Variants in CACNA1A observed in about 807,000 individuals in gnomAD.
CACNA1A encodes calcium voltage-gated channel subunit alpha1 A.
CACNA1A carries 57 observed loss-of-function variants against 262.4 expected under a neutral mutation model. The observed-to-expected ratio is 0.22, with a 90% confidence interval of 0.18 to 0.27. The LOEUF (loss-of-function observed/expected upper bound fraction) is 0.27, where lower values mean the gene tolerates loss of function less well. Among genes scored for constraint, CACNA1A ranks in the 10% least tolerant of loss-of-function variants. CACNA1A has a pLI of 1.00. For missense variants in CACNA1A, 2,526 were observed against 3,562.8 expected, an observed-to-expected ratio of 0.71 and a Z score of 7.41; for synonymous variants, 1,431 against 1,419.3, an observed-to-expected ratio of 1.01 and a Z score of -0.18.
chr19:13,330,296 A>G lies in CACNA1A; in HGVS notation c.1293T>C (p.Asp431=), dbSNP rs1261102537. 3 of 1,564,962 alleles carry G rather than the reference A, an allele frequency of 1.9e-6. No individual in the cohort carries two copies. In the South Asian group the frequency reaches 3.5e-5, roughly 18 times the overall value. Residue 431 remains aspartate, a synonymous_variant, in exon 10 of 47, where the codon GAT becomes GAC. Coordinates refer to ENST00000360228, the MANE Select transcript of CACNA1A (RefSeq NM_001127222.2). ...CCTCAGCCTCTTCGGGGTTGAGCAA[A>G]TCTGTCTTGCTTTTCTTTATGGTGG... ...RRTTIKKSKT[D]LLNPEEAEDQ...
chr19:13,286,606 G>A lies in CACNA1A; in HGVS notation c.3450C>T (p.Ser1150=), dbSNP rs751700486. 3.5e-5 allele frequency: 54 copies of A among 1,540,890 alleles called. No homozygotes were observed. Among genetic ancestry groups the A allele is most frequent in the Middle Eastern group, 1.8e-4 (1 of 5,706 alleles). Reference sequence around the variant, plus strand: ...TCTTAGCTGAATTGGTCTGGGTGCCGCTGGGGTTGGTGACGATAAGGCTAT... The same window carrying A: ...TCTTAGCTGAATTGGTCTGGGTGCCACTGGGGTTGGTGACGATAAGGCTAT... ...PENSLIVTNP[S]GTQTNSAKTA... Residue 1150 remains serine (S), a synonymous_variant, in exon 20 of 47, where the codon AGC becomes AGT. Coordinates refer to ENST00000360228, the MANE Select transcript of CACNA1A (RefSeq NM_001127222.2).
intron 1 of CACNA1A, among the ~76,000 whole-genome samples, chr19:13,492,888 T>C (rs1036101455): frequency 1.3e-5 from 2 of 152,148 alleles, no homozygotes. Context: ...ATCTCTAAGC[T>C]GATATGCTCC....
At position 13,308,476 on chromosome 19, in the gene CACNA1A, G is replaced by A; in HGVS notation, c.1721C>T (p.Thr574Ile). The A allele has an allele frequency of 6.2e-7, 1 of 1,613,724 alleles. No individual in the cohort carries two copies. The highest frequency in any genetic ancestry group is 2.2e-5 in the East Asian group (1 of 44,894). The change falls in exon 13 of 47, where the codon ACA becomes ATA. Residue 574 changes from threonine (T) to isoleucine (I), a missense_variant. Physicochemically the swap from Thr to Ile is moderately conservative, Grantham distance 89 (BLOSUM62 -1). This residue lies in a region of CACNA1A where 102 missense variants were observed against 278.9 expected (regional missense o/e 0.37). Coordinates refer to ENST00000360228, the MANE Select transcript of CACNA1A (RefSeq NM_001127222.2). The surrounding 1 kb of genome is among the most constrained non-coding windows in gnomAD (Gnocchi z 4.2). ...EVIWAVIKPG[T>I]SFGISVLRAL... ...TCGTAACACGCTGATTCCAAAGGAT[G>A]TGCCAGGTTTTATGACAGCCCAGAT...
At chr19:13,298,506 T>C (rs988511403) in intron 19 of CACNA1A, 38 bp downstream of exon 19, 9 of 1,492,214 alleles carry the variant, frequency 6.0e-6, no homozygotes, top group Non-Finnish European at 8.2e-6. Context: ...TTATTAATGT[T>C]ACCGTCATTC....
chr19:13,402,273 A>G (rs1159761295), intron 3 of CACNA1A, among the ~76,000 whole-genome samples: 1 of 152,220 alleles, frequency 6.6e-6, no homozygotes, highest in African/African-American at 2.4e-5. Flanking sequence ...ATCTTAGTAA[A>G]GATCTTTGAT....
intron 29 of CACNA1A, among the ~76,000 whole-genome samples, chr19:13,254,362 T>A (rs1317539902): frequency 6.6e-6 from 1 of 151,714 alleles, no homozygotes; most frequent in African/African-American, 2.4e-5. Context: ...TCTTTCTTTT[T>A]CTTTTCTTTT....
At chr19:13,372,428 TC>T (rs746990186) in intron 3 of CACNA1A, among the ~76,000 whole-genome samples, 3 of 152,162 alleles carry the variant, frequency 2.0e-5, no homozygotes, top group Non-Finnish European at 4.4e-5. Context: ...CGCCTCGGCC[TC>T]CCAAAGTGCT....
At position 13,299,011 on chromosome 19, in the gene CACNA1A, C is replaced by T. The variant is rs1334069330; in HGVS notation, c.2622G>A (p.Ser874=). 13 of 1,583,324 alleles carry T rather than the reference C, an allele frequency of 8.2e-6. No homozygotes were observed. Among genetic ancestry groups the T allele is most frequent in the Admixed American group, 3.5e-5 (2 of 56,834 alleles). The change falls in exon 19 of 47, where the codon TCG becomes TCA. Residue 874 remains serine (S), a synonymous_variant. Coordinates refer to ENST00000360228, the MANE Select transcript of CACNA1A (RefSeq NM_001127222.2). ...AGGGCCTCCGTGCGTCCAGGCCCGC[C>T]GAGCCGCTGGGGTCCCGGGCCCGAT... The part of the protein sequence containing the change: ...YHDRARDPSG[S]AGLDARRPWA...
At chr19:13,323,261 A>C (rs1165553982) in intron 10 of CACNA1A, among the ~76,000 whole-genome samples, 1 of 148,434 alleles carries the variant, frequency 6.7e-6, no homozygotes, top group East Asian at 2.0e-4. Flanking sequence ...TCCCTCTCAA[A>C]AACAAAACAA....
chr19:13,234,267 G>A (rs1290749692), intron 34 of CACNA1A, among the ~76,000 whole-genome samples: 2 of 138,826 alleles, frequency 1.4e-5, no homozygotes, highest in Non-Finnish European at 1.5e-5. Flanking sequence ...GGAGAATGGC[G>A]TGAACCCGGG....
intron 24 of CACNA1A, among the ~76,000 whole-genome samples, chr19:13,264,040 A>G (rs954647516): frequency 3.3e-5 from 5 of 152,122 alleles, no homozygotes; most frequent in Non-Finnish European, 5.9e-5. Flanking sequence ...CATTGCTCCA[A>G]GGGTCTCTGA....
chr19:13,371,666 T>A lies in CACNA1A; in HGVS notation c.631+22A>T, dbSNP rs184044950. 1.5e-5 allele frequency: 23 copies of A among 1,544,668 alleles called. No homozygotes were observed. The African/African-American group carries it at 3.1e-4, about 21-fold the overall frequency. ...CTGGGGCCCGTGAGCAAACCCCTTGTCAGGGTCGGAAACTCACGCACTTGG... is the reference window on the plus strand; with the variant it reads ...CTGGGGCCCGTGAGCAAACCCCTTGACAGGGTCGGAAACTCACGCACTTGG... On this transcript the variant is annotated intron_variant, in intron 4 of 46. Coordinates refer to ENST00000360228, the MANE Select transcript of CACNA1A (RefSeq NM_001127222.2).
At chr19:13,398,460 G>C (rs1183744206) in intron 3 of CACNA1A, among the ~76,000 whole-genome samples, 1 of 152,130 alleles carries the variant, frequency 6.6e-6, no homozygotes, top group African/African-American at 2.4e-5. Context: ...CCATGGATTT[G>C]CCTCTTTGGT....
At chr19:13,390,508 T>C (rs1185037976) in intron 3 of CACNA1A, among the ~76,000 whole-genome samples, 3 of 152,236 alleles carry the variant, frequency 2.0e-5, no homozygotes, top group Non-Finnish European at 4.4e-5. Context: ...ACTAGTCACC[T>C]GTGGGTTTTG....
chr19:13,267,293 C>T (rs1029956835), intron 24 of CACNA1A, among the ~76,000 whole-genome samples: 9 of 152,212 alleles, frequency 5.9e-5, no homozygotes, highest in African/African-American at 1.4e-4. Context: ...TGAGCACCCC[C>T]GAGTCCCGCC....
At chr19:13,334,140 G>A (rs568014705) in intron 8 of CACNA1A, 3 of 499,050 alleles carry the variant, frequency 6.0e-6, no homozygotes, top group African/African-American at 1.9e-5. Flanking sequence ...GGGCCGGGAT[G>A]TAAACCAGCG....
intron 3 of CACNA1A, among the ~76,000 whole-genome samples, chr19:13,431,774 A>G (rs1180152157): frequency 1.3e-5 from 2 of 152,172 alleles, no homozygotes; most frequent in African/African-American, 2.4e-5. Flanking sequence ...AACAAGCCAG[A>G]CACAGAAACG....
At chr19:13,210,732 G>C (rs1371448999) in intron 43 of CACNA1A, 80 bp from the exon 44 acceptor site, 3 of 1,400,288 alleles carry the variant, frequency 2.1e-6, no homozygotes, top group African/African-American at 1.4e-5. Context: ...GGGAGAGTGA[G>C]GAGGTGGTGC....
rs766234558 is a variant in CACNA1A at position 13,298,844 on chromosome 19, C to T, written c.2789G>A (p.Arg930Gln). The T allele has an allele frequency of 1.9e-6, 3 of 1,583,986 alleles. No individual in the cohort carries two copies. Among genetic ancestry groups the T allele is most frequent in the Non-Finnish European group, 2.6e-6 (3 of 1,174,038 alleles). The change falls in exon 19 of 47, where the codon CGG (arginine) becomes CAG (glutamine). Residue 930 changes from arginine to glutamine, a missense_variant. Arg to Gln is a conservative substitution (Grantham distance 43, BLOSUM62 1). Transcript: ENST00000360228. ...AERGKAGDPH[R>Q]RHVHRQGGSR... ...GCCCCCCTGCCGGTGCACGTGCCTC[C>T]GGTGGGGGTCCCCGGCCTTGCCTCG... is the stretch of plus-strand genomic sequence containing the variant.
Sources: gnomAD v4.1 joint callset for allele counts (sites outside exome capture counted in the v4.1 genomes callset) on GRCh38, gnomAD v4.1.1 for gene constraint, gnomAD v4.1.1 regional missense constraint, Gnocchi (gnomAD v3.1) non-coding constraint, MANE v1.5 for transcripts, NCBI Gene and HGNC (gene_info 2026-07-23, HGNC 2026-07-21) for gene names.